The following CDH4 variants were observed in gnomAD, a reference collection of about 807,000 sequenced individuals.
CDH4 encodes cadherin 4.
In CDH4, 33 loss-of-function variants were observed where a neutral mutation model predicts 86.0. The ratio of observed to expected loss-of-function variants is 0.38; its 90% CI spans 0.29 to 0.51. The LOEUF (loss-of-function observed/expected upper bound fraction) is 0.51, where lower values mean the gene tolerates loss of function less well. Ranked by LOEUF, CDH4 falls within the 20% of genes least tolerant of loss-of-function variation. The pLI is 0.86. For missense variants in CDH4, 1,114 were observed against 1,307.4 expected, an observed-to-expected ratio of 0.85 and a Z score of 2.28; for synonymous variants, 555 against 549.4, an observed-to-expected ratio of 1.01 and a Z score of -0.14.
chr20:61,765,967 A>G (rs1347819527), intron 3 of CDH4, among the ~76,000 whole-genome samples: 1 of 151,512 alleles, frequency 6.6e-6, no homozygotes, highest in African/African-American at 2.4e-5. Flanking sequence ...CCTTAGGCCC[A>G]CCCCCGCGCC....
intron 2 of CDH4, among the ~76,000 whole-genome samples, chr20:61,596,268 C>T (rs116242718): frequency 0.015 from 2,213 of 152,336 alleles, 47 homozygotes; most frequent in African/African-American, 0.041. Flanking sequence ...CAGGTGCACG[C>T]GCACTTCTGA....
At chr20:61,834,037 T>G (rs578199510) in intron 4 of CDH4, among the ~76,000 whole-genome samples, 1 of 152,108 alleles carries the variant, frequency 6.6e-6, no homozygotes, top group East Asian at 1.9e-4. Context: ...CCCAGGGAGG[T>G]GCACTCTCAT....
intron 2 of CDH4, among the ~76,000 whole-genome samples, chr20:61,455,535 G>A (rs2085402342): frequency 6.6e-6 from 1 of 152,218 alleles, no homozygotes; most frequent in Admixed American, 6.5e-5. Flanking sequence ...AAAACCAGGT[G>A]ATGTTTATAT....
chr20:61,872,988 A>G (rs1983871993), intron 6 of CDH4, among the ~76,000 whole-genome samples: 1 of 152,236 alleles, frequency 6.6e-6, no homozygotes. Flanking sequence ...AAGGCTGCAC[A>G]GCCAAAGAAA....
chr20:61,327,783 A>G (rs2084544603), intron 2 of CDH4, among the ~76,000 whole-genome samples: 1 of 152,192 alleles, frequency 6.6e-6, no homozygotes, highest in African/African-American at 2.4e-5. Flanking sequence ...TCTTCACTGC[A>G]GGGCTATTTA....
intron 3 of CDH4, among the ~76,000 whole-genome samples, chr20:61,748,850 A>G (rs2058180344): frequency 1.1e-5 from 1 of 90,072 alleles, no homozygotes; most frequent in South Asian, 4.4e-4. Context: ...AAAAGGAAAA[A>G]ATAGAATAAT....
At chr20:61,379,941 G>A (rs1269667625) in intron 2 of CDH4, among the ~76,000 whole-genome samples, 6 of 152,206 alleles carry the variant, frequency 3.9e-5, no homozygotes, top group Non-Finnish European at 7.3e-5. Flanking sequence ...TTTGTTTAAA[G>A]TGAAGAGTTA....
chr20:61,757,188 C>T (rs62204626), intron 3 of CDH4, among the ~76,000 whole-genome samples: 10,737 of 152,016 alleles, frequency 0.071, 444 homozygotes, highest in South Asian at 0.19. Flanking sequence ...TTCAGCAGAG[C>T]GTGTATTGGT....
chr20:61,775,451 G>T (rs879398127), intron 4 of CDH4, among the ~76,000 whole-genome samples: 7 of 152,152 alleles, frequency 4.6e-5, no homozygotes, highest in Non-Finnish European at 7.3e-5. Context: ...TCTGTGAAGG[G>T]CCAGGTGGTA....
chr20:61,803,434 G>A (rs1443222642), intron 4 of CDH4, among the ~76,000 whole-genome samples: 1 of 152,214 alleles, frequency 6.6e-6, no homozygotes, highest in Non-Finnish European at 1.5e-5. Flanking sequence ...TCGTTCAACT[G>A]TTCAACTTTA....
At chr20:61,347,389 T>G (rs1415194141) in intron 2 of CDH4, among the ~76,000 whole-genome samples, 1 of 152,262 alleles carries the variant, frequency 6.6e-6, no homozygotes, top group Non-Finnish European at 1.5e-5. Context: ...TACTTGGATT[T>G]TGCTTAAAGG....
At position 61,417,645 on chromosome 20, in the gene CDH4, G is replaced by T. The variant is rs2085154165; in HGVS notation, c.169+162708G>T. Reference sequence around the variant, plus strand: ...CTGTAAATTGGCAGCGTGGATTGGGGAGCAAATTTCTAGCCGCTTCCCTCT... The same window carrying T: ...CTGTAAATTGGCAGCGTGGATTGGGTAGCAAATTTCTAGCCGCTTCCCTCT... On this transcript the variant is annotated intron_variant, in intron 2 of 15. Coordinates refer to ENST00000614565, the MANE Select transcript of CDH4 (RefSeq NM_001794.5). This position sits in a 1 kb window ranked among gnomAD's most constrained non-coding sequence, Gnocchi z 4.0. 6.6e-6 allele frequency among the ~76,000 whole-genome samples: 1 copy of T among 152,196 alleles called. No individual in the cohort carries two copies. The highest frequency in any genetic ancestry group is 2.1e-4 in the South Asian group (1 of 4,826).
intron 7 of CDH4, among the ~76,000 whole-genome samples, chr20:61,882,984 G>A (rs1043989065): frequency 6.6e-5 from 10 of 152,282 alleles, no homozygotes; most frequent in Admixed American, 2.6e-4. Context: ...TCCACGCCCA[G>A]AAGCCCAGTG....
chr20:61,566,011 G>A (rs184341739), intron 2 of CDH4, among the ~76,000 whole-genome samples: 75 of 152,300 alleles, frequency 4.9e-4, no homozygotes, highest in Non-Finnish European at 7.9e-4. Flanking sequence ...GCCTGCCACC[G>A]ACAGTGGCCC....
chr20:61,483,145 A>T (rs570210262), intron 2 of CDH4, among the ~76,000 whole-genome samples: 1 of 152,328 alleles, frequency 6.6e-6, no homozygotes, highest in East Asian at 1.9e-4. Flanking sequence ...GTCCAGGTAG[A>T]TAGGAACACT....
Position 61,743,721 on chromosome 20 carries a change from G to A in CDH4, c.328G>A (p.Ala110Thr), listed in dbSNP as rs768392719. The A allele has an allele frequency of 3.7e-6, 6 of 1,611,276 alleles. No individual in the cohort carries two copies. The highest frequency in any genetic ancestry group is 3.3e-4 in the Middle Eastern group (2 of 6,082). ...FTVTAWDSQT[A>T]EKWDAVVRLL... Reference sequence around the variant, plus strand: ...GGTGACTGCATGGGACAGCCAGACAGCAGAGAAATGGGACGCCGTGGTGCG... The same window carrying A: ...GGTGACTGCATGGGACAGCCAGACAACAGAGAAATGGGACGCCGTGGTGCG... Residue 110 changes from alanine (A) to threonine (T), a missense_variant, in exon 3 of 16, where the codon GCA becomes ACA. Ala to Thr is a moderately conservative substitution (Grantham distance 58, BLOSUM62 0). Transcript: ENST00000614565.
Position 61,881,853 on chromosome 20 carries a change from G to GA in CDH4, c.1050+7957dup, listed in dbSNP as rs1405291380. 2.6e-5 allele frequency among the ~76,000 whole-genome samples: 4 copies of GA among 152,348 alleles called. No homozygotes were observed. The East Asian group carries it at 7.7e-4, about 29-fold the overall frequency. ...ATCCCTGGCAGCGTGACCTTATCTG[G>GA]AAAAGGGGCCTTTGCAGGTGTAAAG... On this transcript the variant is annotated intron_variant, in intron 7 of 15. Coordinates refer to ENST00000614565, the MANE Select transcript of CDH4 (RefSeq NM_001794.5).
At chr20:61,346,951 C>G (rs757547909) in intron 2 of CDH4, among the ~76,000 whole-genome samples, 4 of 152,062 alleles carry the variant, frequency 2.6e-5, no homozygotes, top group Non-Finnish European at 5.9e-5. Context: ...TCTGCTTGCT[C>G]CCCTGCAGAT....
chr20:61,533,925 C>T (rs577741929), intron 2 of CDH4, among the ~76,000 whole-genome samples: 21 of 152,212 alleles, frequency 1.4e-4, no homozygotes, highest in Non-Finnish European at 2.8e-4. Context: ...CCTCCCCATC[C>T]GAACTGTAGT....
Sources: gnomAD v4.1 joint callset for allele counts (sites outside exome capture counted in the v4.1 genomes callset) on GRCh38, gnomAD v4.1.1 for gene constraint, Gnocchi (gnomAD v3.1) non-coding constraint, MANE v1.5 for transcripts, NCBI Gene and HGNC (gene_info 2026-07-23, HGNC 2026-07-21) for gene names.